The following CDC14B variants were observed in gnomAD, a reference collection of about 807,000 sequenced individuals.
CDC14B encodes the protein cell division cycle 14B, also known as dual specificity protein phosphatase CDC14B.
Under a neutral mutation model 64.2 loss-of-function variants are expected in CDC14B, and 22 were observed. That is an observed-to-expected ratio of 0.34 (90% CI 0.24 to 0.49). The LOEUF is 0.49. Among genes scored for constraint, CDC14B ranks in the 20% least tolerant of loss-of-function variants. CDC14B has a pLI of 0.99. For synonymous variants in CDC14B, 191 were observed against 215.8 expected (o/e 0.89, Z 1.01); for missense variants, 498 against 629.9 (o/e 0.79, Z 2.24).
At position 96,581,503 on chromosome 9, in the gene CDC14B, A is replaced by T. The variant is rs558580400; in HGVS notation, c.161-16020T>A. Reference sequence around the variant, plus strand: ...TTAATTAATTAAATTAATTAAATTTAAAAAATTAATTTAAAAATTAAAAAA... The same window carrying T: ...TTAATTAATTAAATTAATTAAATTTTAAAAATTAATTTAAAAATTAAAAAA... On this transcript the variant is annotated intron_variant, in intron 1 of 13. Transcript: ENST00000375241. Among the ~76,000 whole-genome samples the T allele has an allele frequency of 5.4e-4, 82 of 150,706 alleles. 3 individuals carry two copies. The highest frequency in any genetic ancestry group is 1.9e-3 in the African/African-American group (75 of 40,376).
intron 9 of CDC14B, among the ~76,000 whole-genome samples, chr9:96,526,362 C>T (rs1837564553): frequency 6.6e-6 from 1 of 152,032 alleles, no homozygotes; most frequent in African/African-American, 2.4e-5. Flanking sequence ...AGCGAGACTC[C>T]ATCTCAAAAA....
intron 1 of CDC14B, among the ~76,000 whole-genome samples, chr9:96,585,977 T>C (rs939711528): frequency 1.2e-4 from 18 of 152,202 alleles, no homozygotes; most frequent in Admixed American, 2.6e-4. Flanking sequence ...GTTTGTTTTA[T>C]GATTCCATAT....
downstream of CDC14B, chr9:96,500,011 G>C (rs1023633338): frequency 6.6e-6 from 1 of 152,640 alleles, no homozygotes; most frequent in Non-Finnish European, 1.5e-5. Flanking sequence ...GGCCGTCCTA[G>C]AAAACTTACA....
At position 96,562,737 on chromosome 9, in the gene CDC14B, G is replaced by T. The variant is rs773332366; in HGVS notation, c.376C>A (p.Gln126Lys). 3 of 1,612,154 alleles carry T rather than the reference G, an allele frequency of 1.9e-6. No individual in the cohort carries two copies. Among genetic ancestry groups the T allele is most frequent in the South Asian group, 1.1e-5 (1 of 91,032 alleles). Residue 126 changes from glutamine (Q) to lysine (K), a missense_variant, in exon 4 of 14, where the codon CAG (glutamine) becomes AAG (lysine). Physicochemically the swap from Gln to Lys is moderately conservative, Grantham distance 53 (BLOSUM62 1). Transcript: ENST00000375241. ...KKIVHFTGSD[Q>K]RKQANAAFLV... ...AAGGCAGCATTTGCTTGTTTTCTCT[G>T]ATCAGAGCCAGTAAAATGAACAATT...
At chr9:96,618,809 G>T in intron 1 of CDC14B, 1 of 344,300 alleles carries the variant, frequency 2.9e-6, no homozygotes. Flanking sequence ...AATCCTCAGG[G>T]GCTGATTCAG....
chr9:96,518,756 C>A (rs143642112), intron 12 of CDC14B, among the ~76,000 whole-genome samples: 57 of 152,340 alleles, frequency 3.7e-4, no homozygotes, highest in African/African-American at 1.4e-3. Context: ...CCTTCACCTT[C>A]AGTTCCTTAA....
intron 9 of CDC14B, among the ~76,000 whole-genome samples, chr9:96,530,682 G>T (rs1233199677): frequency 2.0e-5 from 3 of 149,090 alleles, no homozygotes; most frequent in Admixed American, 1.3e-4. Context: ...ACTTCCTTTG[G>T]CTAGAACTTC....
intron 1 of CDC14B, among the ~76,000 whole-genome samples, chr9:96,566,542 G>A (rs1843977669): frequency 6.6e-6 from 1 of 152,182 alleles, no homozygotes; most frequent in South Asian, 2.1e-4. Context: ...TCCCGCGGGC[G>A]GGGAGGTGCA....
intron 1 of CDC14B, among the ~76,000 whole-genome samples, chr9:96,591,638 G>A (rs535866587): frequency 2.0e-5 from 3 of 152,200 alleles, no homozygotes; most frequent in South Asian, 2.1e-4. Context: ...GATTTTGATA[G>A]GGACTGCATT....
chr9:96,534,671 T>C (rs1839021426), intron 7 of CDC14B, 129 bp from the exon 8 acceptor site: 2 of 637,930 alleles, frequency 3.1e-6, no homozygotes, highest in Non-Finnish European at 2.8e-6. Context: ...CAAATTGCCA[T>C]GAGACAGGAA....
chr9:96,597,263 G>A lies in CDC14B; in HGVS notation c.160+21956C>T, dbSNP rs924553944. On this transcript the variant is annotated intron_variant, in intron 1 of 13. Coordinates refer to ENST00000375241, the MANE Select transcript of CDC14B (RefSeq NM_033331.4). ...AATCCCGGTACTTTGGGAGGCCGAG[G>A]CAGGTGGATCACCTGAGGTCAGGAG... 2.0e-5 allele frequency among the ~76,000 whole-genome samples: 3 copies of A among 152,154 alleles called. No individual in the cohort carries two copies. In the South Asian group the frequency reaches 6.2e-4, roughly 32 times the overall value.
chr9:96,542,336 T>C (rs1315484016), intron 5 of CDC14B, among the ~76,000 whole-genome samples: 1 of 152,138 alleles, frequency 6.6e-6, no homozygotes, highest in African/African-American at 2.4e-5. Flanking sequence ...TGTCTATTTA[T>C]ACGTGTGTCT....
rs1356120573 is a variant in CDC14B, at chr9:96,534,552, G to A, written c.628-10C>T. 7 of 1,583,906 alleles carry A rather than the reference G, an allele frequency of 4.4e-6. No homozygotes were observed. In the Admixed American group the frequency reaches 1.2e-4, roughly 26 times the overall value. On this transcript the variant is annotated splice_polypyrimidine_tract_variant and intron_variant, in intron 7 of 13. Transcript: ENST00000375241. ...CTCCATTTTCTGCTTTCTGCAAGGG[G>A]AAGACCAGCACAATTCGTTTTTAAA...
At chr9:96,584,944 C>T (rs1332491600) in intron 1 of CDC14B, among the ~76,000 whole-genome samples, 3 of 152,216 alleles carry the variant, frequency 2.0e-5, no homozygotes, top group Non-Finnish European at 4.4e-5. Flanking sequence ...GCATAAGCCA[C>T]CACGCCTGGC....
At chr9:96,567,450 G>A (rs189470573) in intron 1 of CDC14B, among the ~76,000 whole-genome samples, 5 of 152,366 alleles carry the variant, frequency 3.3e-5, no homozygotes, top group Non-Finnish European at 5.9e-5. Flanking sequence ...CCGCAGGGCC[G>A]GGTCTTATGG....
At chr9:96,518,085 C>T (rs112243819) in intron 12 of CDC14B, among the ~76,000 whole-genome samples, 10 of 152,256 alleles carry the variant, frequency 6.6e-5, no homozygotes, top group Admixed American at 3.3e-4. Flanking sequence ...AAATGGTCAC[C>T]TGGATACATC....
At position 96,515,820 on chromosome 9, in the gene CDC14B, G is replaced by C. The variant is rs747573539; in HGVS notation, c.1344-6031C>G. On this transcript the variant is annotated intron_variant, in intron 12 of 13. Transcript: ENST00000375241. The surrounding 1 kb of genome is among the most constrained non-coding windows in gnomAD (Gnocchi z 4.3). ...GGAAAGGGGTGAAGGGGAAAGAACAGATGTTCAAATTGGGAAGCCAAAATA... is the reference window on the plus strand; with the variant it reads ...GGAAAGGGGTGAAGGGGAAAGAACACATGTTCAAATTGGGAAGCCAAAATA... 6.5e-7 allele frequency: 1 copy of C among 1,547,198 alleles called. No individual in the cohort carries two copies. Among genetic ancestry groups the C allele is most frequent in the Non-Finnish European group, 8.7e-7 (1 of 1,146,488 alleles).
intron 1 of CDC14B, among the ~76,000 whole-genome samples, chr9:96,577,212 C>T (rs1047405431): frequency 6.7e-6 from 1 of 149,586 alleles, no homozygotes; most frequent in East Asian, 2.0e-4. Context: ...GATCACACCA[C>T]TGCACTCCAG....
At chr9:96,529,464 T>C (rs1838087381) in intron 9 of CDC14B, among the ~76,000 whole-genome samples, 1 of 151,824 alleles carries the variant, frequency 6.6e-6, no homozygotes, top group Non-Finnish European at 1.5e-5. Flanking sequence ...CCACACAATC[T>C]TGATTGATGT....
Sources: allele counts gnomAD v4.1 joint callset (sites outside exome capture counted in the v4.1 genomes callset), GRCh38; gene constraint gnomAD v4.1.1; non-coding constraint Gnocchi (gnomAD v3.1); transcripts MANE v1.5; gene names NCBI Gene and HGNC (gene_info 2026-07-23, HGNC 2026-07-21).